The following NF1 variants were observed in gnomAD, a reference collection of about 807,000 sequenced individuals.
The protein encoded by NF1 is neurofibromin 1, also known as neurofibromin.
A neutral mutation model predicts 325.7 loss-of-function variants in NF1; 122 were observed. The observed-to-expected ratio is 0.37, with a 90% CI of 0.32 to 0.44. The LOEUF (loss-of-function observed/expected upper bound fraction) is 0.44, where lower values mean the gene tolerates loss of function less well. Among genes scored for constraint, NF1 ranks in the 20% least tolerant of loss-of-function variants. The pLI is 1.00. For missense variants in NF1, 2,140 were observed against 3,415.4 expected (o/e 0.63, Z 9.31); for synonymous variants, 1,091 against 1,186.0 (o/e 0.92, Z 1.65).
chr17:31,159,954 A>G (rs2065733729), intron 3 of NF1, among the ~76,000 whole-genome samples: 1 of 152,144 alleles, frequency 6.6e-6, no homozygotes, highest in South Asian at 2.1e-4. Flanking sequence ...AGACCTTAAT[A>G]TATGAGGACT....
chr17:31,190,903 C>T (rs2066330983), intron 8 of NF1, among the ~76,000 whole-genome samples: 1 of 152,174 alleles, frequency 6.6e-6, no homozygotes, highest in African/African-American at 2.4e-5. Flanking sequence ...TATCTCATCT[C>T]AGGTATTCTT....
At chr17:31,233,683 G>A (rs1435067061) in intron 27 of NF1, among the ~76,000 whole-genome samples, 2 of 152,122 alleles carry the variant, frequency 1.3e-5, no homozygotes, top group Admixed American at 1.3e-4. Context: ...ATATGGCTAT[G>A]TCTCTCTCTT....
intron 1 of NF1, among the ~76,000 whole-genome samples, chr17:31,132,815 C>T (rs192795798): frequency 2.6e-5 from 4 of 151,736 alleles, no homozygotes; most frequent in Admixed American, 1.3e-4. Context: ...TACAGGCGCT[C>T]GCCACCATGC....
intron 4 of NF1, among the ~76,000 whole-genome samples, chr17:31,164,571 G>A (rs767380775): frequency 6.6e-6 from 1 of 152,198 alleles, no homozygotes; most frequent in African/African-American, 2.4e-5. Flanking sequence ...TCTTTGGCTC[G>A]TCAGTGTTGT....
At chr17:31,096,471 C>G (rs2143161849) in intron 1 of NF1, among the ~76,000 whole-genome samples, 1 of 152,258 alleles carries the variant, frequency 6.6e-6, no homozygotes, top group Middle Eastern at 3.4e-3. Context: ...AGCCTTTTGT[C>G]AGTGGAAATT....
At chr17:31,294,348 C>T (rs945098827) in intron 36 of NF1, among the ~76,000 whole-genome samples, 2 of 152,108 alleles carry the variant, frequency 1.3e-5, no homozygotes, top group Admixed American at 6.5e-5. Flanking sequence ...AATGCAAAGC[C>T]TAGTGTCTTC....
intron 36 of NF1, among the ~76,000 whole-genome samples, chr17:31,282,367 G>C (rs947459808): frequency 7.0e-6 from 1 of 141,920 alleles, no homozygotes; most frequent in Non-Finnish European, 1.5e-5. Flanking sequence ...GGGTGACAGA[G>C]CGAGATTCCA....
At chr17:31,244,367 C>T (rs889944962) in intron 29 of NF1, among the ~76,000 whole-genome samples, 1 of 152,106 alleles carries the variant, frequency 6.6e-6, no homozygotes, top group Admixed American at 6.6e-5. Context: ...CTGAGCCCAG[C>T]ACAGCACCAG....
At chr17:31,298,929 A>AT (rs1208226662) in intron 36 of NF1, among the ~76,000 whole-genome samples, 1 of 152,082 alleles carries the variant, frequency 6.6e-6, no homozygotes, top group Non-Finnish European at 1.5e-5. Flanking sequence ...ATGCATTTTC[A>AT]TTACACTTAA....
At chr17:31,192,636 A>C (rs1361936802) in intron 8 of NF1, among the ~76,000 whole-genome samples, 1 of 152,180 alleles carries the variant, frequency 6.6e-6, no homozygotes, top group Non-Finnish European at 1.5e-5. Flanking sequence ...CTGGATCTGG[A>C]AAGGAAAGAA....
intron 14 of NF1, 28 bp from the exon 15 acceptor site, chr17:31,221,820 CTT>C (rs1567844977): frequency 1.3e-6 from 2 of 1,517,382 alleles, no homozygotes; most frequent in East Asian, 2.3e-5. Flanking sequence ...TGAGTCTTCT[CTT>C]TGTCTTTCTC....
At chr17:31,275,985 A>T (rs1350370194) in intron 36 of NF1, among the ~76,000 whole-genome samples, 3 of 152,042 alleles carry the variant, frequency 2.0e-5, no homozygotes, top group Non-Finnish European at 4.4e-5. Flanking sequence ...CGAGGTGGGC[A>T]GATCACGAGG....
intron 36 of NF1, among the ~76,000 whole-genome samples, chr17:31,275,894 G>A (rs1318383180): frequency 1.3e-5 from 2 of 152,108 alleles, no homozygotes; most frequent in East Asian, 3.8e-4. Context: ...TATAGTGAGT[G>A]TTTATAAAGA....
At chr17:31,286,011 A>G (rs946785144) in intron 36 of NF1, among the ~76,000 whole-genome samples, 3 of 152,216 alleles carry the variant, frequency 2.0e-5, no homozygotes, top group Admixed American at 2.0e-4. Flanking sequence ...AAATCAGTTT[A>G]TAGTCAACTC....
Position 31,095,339 on chromosome 17 carries a change from C to G in NF1, c.30C>G (p.Val10=), listed in dbSNP as rs1033348008. ...CCGCGCACAGGCCGGTGGAATGGGT[C>G]CAGGCCGTGGTCAGCCGCTTCGACG... is the stretch of plus-strand genomic sequence containing the variant. The part of the protein sequence containing the change: MAAHRPVEW[V]QAVVSRFDEQ... Residue 10 remains valine (V), a synonymous_variant, in exon 1 of 58, where the codon GTC becomes GTG. Coordinates refer to ENST00000358273, the MANE Select transcript of NF1 (RefSeq NM_001042492.3). 1.3e-6 allele frequency: 2 copies of G among 1,539,698 alleles called. No homozygotes were observed. Among genetic ancestry groups the G allele is most frequent in the African/African-American group, 2.7e-5 (2 of 72,984 alleles).
intron 57 of NF1, 167 bp downstream of exon 57, chr17:31,360,870 G>GGAAA (rs17886345): frequency 1.5e-6 from 1 of 666,508 alleles, no homozygotes; most frequent in African/African-American, 1.8e-5. Context: ...ATTCTATGAA[G>GGAAA]CTTTCTACTT....
At chr17:31,121,395 C>CTTTTTTTTTTTTTTT (rs71142019) in intron 1 of NF1, among the ~76,000 whole-genome samples, 21 of 92,508 alleles carry the variant, frequency 2.3e-4, no homozygotes, top group African/African-American at 9.4e-4. Flanking sequence ...AATCACTATT[C>CTTTTTTTTTTTTTTT]TTTTTTTTTT....
chr17:31,346,061 CATTGA>C (rs2069972872), intron 48 of NF1: 1 of 1,612,482 alleles, frequency 6.2e-7, no homozygotes, highest in African/African-American at 1.3e-5. Flanking sequence ...CAAAGCCAGT[CATTGA>C]ATTATACAAG....
rs979653952 is a variant in NF1, at chr17:31,192,838, A to G, written c.889-7584A>G. On this transcript the variant is annotated intron_variant, in intron 8 of 57. Transcript: ENST00000358273. ...CGATATATAGCGTCAAATAAAACCC[A>G]TCTGATGAGAATTTATGGTTTGTAG... is the stretch of plus-strand genomic sequence containing the variant. Among the ~76,000 whole-genome samples the G allele has an allele frequency of 5.9e-5, 9 of 152,200 alleles. No individual in the cohort carries two copies. In the South Asian group the frequency reaches 6.2e-4, roughly 10 times the overall value.
Sources: allele counts gnomAD v4.1 joint callset (sites outside exome capture counted in the v4.1 genomes callset), GRCh38; gene constraint gnomAD v4.1.1; transcripts MANE v1.5; gene names NCBI Gene and HGNC (gene_info 2026-07-23, HGNC 2026-07-21).